Variants in RPS6KA6 observed in about 807,000 individuals in gnomAD.
RPS6KA6 encodes the protein ribosomal protein S6 kinase A6, also known as ribosomal protein S6 kinase alpha-6.
Under a neutral mutation model 65.4 loss-of-function variants are expected in RPS6KA6, and 27 were observed. The observed-to-expected ratio is 0.41, with a 90% confidence interval of 0.30 to 0.57. The LOEUF is 0.57. Among genes scored for constraint, RPS6KA6 ranks in the 20% least tolerant of loss-of-function variants. The probability of loss-of-function intolerance (pLI) is 0.24; values close to 1 mark genes in which losing one functional copy is unlikely to be tolerated. For missense variants in RPS6KA6, 486 were observed against 555.6 expected (o/e 0.87, Z 1.26); for synonymous variants, 190 against 184.2 (o/e 1.03, Z -0.26).
chrX:84,102,836 C>A (rs982667377), intron 17 of RPS6KA6, among the ~76,000 whole-genome samples: 6 of 110,584 alleles, frequency 5.4e-5, no homozygotes, highest in Admixed American at 1.9e-4. Flanking sequence ...AACCCTCAGA[C>A]CTTCTGGCTT....
At chrX:84,098,309 C>T (rs934092887) in intron 18 of RPS6KA6, among the ~76,000 whole-genome samples, 35 of 111,077 alleles carry the variant, frequency 3.2e-4, no homozygotes, top group Non-Finnish European at 1.5e-4. Context: ...AATATATAAT[C>T]TCACAAAAGC....
intron 12 of RPS6KA6, among the ~76,000 whole-genome samples, chrX:84,114,346 G>T (rs2034525260): frequency 9.1e-6 from 1 of 109,990 alleles, no homozygotes; most frequent in Admixed American, 9.7e-5. Flanking sequence ...AAATTAGCCA[G>T]ACACGGTGGC....
intron 18 of RPS6KA6, among the ~76,000 whole-genome samples, chrX:84,100,114 T>C (rs2034231755): frequency 9.0e-6 from 1 of 111,723 alleles, no homozygotes; most frequent in Admixed American, 9.5e-5. Flanking sequence ...TTTACAAATA[T>C]ATTATTGATT....
intron 8 of RPS6KA6, among the ~76,000 whole-genome samples, chrX:84,120,443 C>T (rs2034649522): frequency 9.0e-6 from 1 of 111,345 alleles, no homozygotes; most frequent in Non-Finnish European, 1.9e-5. Flanking sequence ...TGTTCAAAGC[C>T]TTCAAGGAGC....
At chrX:84,113,648 T>C (rs765178624) in intron 12 of RPS6KA6, among the ~76,000 whole-genome samples, 7 of 111,665 alleles carry the variant, frequency 6.3e-5, no homozygotes, top group Non-Finnish European at 1.3e-4. Flanking sequence ...ATAATAGGCA[T>C]AGAAGGAACA....
chrX:84,121,410 C>T (rs767572081), intron 8 of RPS6KA6, among the ~76,000 whole-genome samples: 1 of 112,213 alleles, frequency 8.9e-6, no homozygotes, highest in Non-Finnish European at 1.9e-5. Flanking sequence ...GTATTTATTG[C>T]AGTCTTTATG....
chrX:84,123,161 C>T (rs1176611664), intron 8 of RPS6KA6, among the ~76,000 whole-genome samples: 1 of 111,531 alleles, frequency 9.0e-6, no homozygotes, highest in Non-Finnish European at 1.9e-5. Flanking sequence ...TGCTGATTAA[C>T]GAGCTCTTGG....
intron 8 of RPS6KA6, among the ~76,000 whole-genome samples, chrX:84,122,630 G>A (rs6622921): frequency 0.05 from 5,510 of 110,300 alleles, 196 homozygotes; most frequent in East Asian, 0.21. Context: ...CACTGCACCC[G>A]GCCAGAGGAA....
At chrX:84,079,820 C>A (rs181521744) in intron 20 of RPS6KA6, among the ~76,000 whole-genome samples, 1 of 112,383 alleles carries the variant, frequency 8.9e-6, no homozygotes, top group Non-Finnish European at 1.9e-5. Flanking sequence ...AAGGCAGCAG[C>A]CACAGTCAGG....
In RPS6KA6 at chrX:84,145,484, G is replaced by T; in HGVS notation, c.495C>A (p.Ser165=). The change falls in exon 6 of 22, where the codon TCC becomes TCA. Residue 165 remains serine, a synonymous_variant. Transcript: ENST00000262752. ...LRGGDVFTRL[S]KEVLFTEEDV... ...AAAATGTACAGATACTTACCTCTTT[G>T]GATAATCTTGTGAAAACATCTCCTC... 1 of 1,121,444 alleles carries T rather than the reference G, an allele frequency of 8.9e-7. No individual in the cohort carries two copies. Among genetic ancestry groups the T allele is most frequent in the Non-Finnish European group, 1.2e-6 (1 of 833,094 alleles). 92.4% of individuals were successfully genotyped at this position (1,121,444 alleles called of 1,213,427 possible). A position where few individuals can be genotyped will look rare whatever the true frequency, so the allele number is the denominator to read the frequency against.
Position 84,187,833 on chromosome X carries a change from C to G in RPS6KA6, c.67G>C (p.Ala23Pro), listed in dbSNP as rs1204851154. The stretch of plus-strand genomic sequence containing the variant: ...ACCACACTAACCTCGCCGCTGCTCG[C>G]GCCGCCGCCGCTGAACACTTCCATT... ...REMEVFSGGGASSGEVNGLKM... is the reference protein window; with the variant it reads ...REMEVFSGGGPSSGEVNGLKM... The change falls in exon 1 of 22, where the codon GCG becomes CCG. Residue 23 changes from alanine (A) to proline (P), a missense_variant. Transcript: ENST00000262752. The G allele has an allele frequency of 1.6e-5, 19 of 1,202,297 alleles. No individual in the cohort carries two copies. Among genetic ancestry groups the G allele is most frequent in the Non-Finnish European group, 2.1e-5 (19 of 891,407 alleles).
intron 3 of RPS6KA6, among the ~76,000 whole-genome samples, chrX:84,151,237 GGATATATATA>G (rs1442090309): frequency 5.3e-5 from 5 of 94,868 alleles, no homozygotes; most frequent in African/African-American, 1.9e-4. Context: ...TAGATATATA[GGATATATATA>G]GATATATATA....
At chrX:84,130,973 CAA>C (rs1351821313) in intron 8 of RPS6KA6, among the ~76,000 whole-genome samples, 2 of 111,893 alleles carry the variant, frequency 1.8e-5, no homozygotes, top group African/African-American at 6.5e-5. Flanking sequence ...ATACATACAA[CAA>C]AAGTGATTTT....
intron 6 of RPS6KA6, 138 bp from the exon 7 acceptor site, chrX:84,135,348 G>GT: frequency 2.5e-6 from 1 of 404,406 alleles, no homozygotes; most frequent in Non-Finnish European, 4.3e-6. Context: ...TTATTTGACT[G>GT]GCATAATTAT....
chrX:84,148,460 G>T (rs1602460022), intron 3 of RPS6KA6, among the ~76,000 whole-genome samples: 1 of 110,419 alleles, frequency 9.1e-6, no homozygotes, highest in Admixed American at 9.7e-5. Flanking sequence ...ACTTTTCTTA[G>T]ATTTAATTTA....
intron 8 of RPS6KA6, among the ~76,000 whole-genome samples, chrX:84,131,932 T>C (rs2034905182): frequency 8.9e-6 from 1 of 111,976 alleles, no homozygotes; most frequent in African/African-American, 3.3e-5. Flanking sequence ...AATAATTTGA[T>C]GAATAGTTAC....
At chrX:84,159,062 A>G (rs1011702326) in intron 2 of RPS6KA6, among the ~76,000 whole-genome samples, 1 of 110,983 alleles carries the variant, frequency 9.0e-6, no homozygotes, top group Non-Finnish European at 1.9e-5. Context: ...ATGCGTGCAC[A>G]CACATATACA....
intron 17 of RPS6KA6, among the ~76,000 whole-genome samples, chrX:84,103,663 C>A (rs1283995446): frequency 2.7e-5 from 3 of 110,821 alleles, no homozygotes; most frequent in Non-Finnish European, 5.7e-5. Flanking sequence ...CTCAAAAATT[C>A]TCTTCATGCT....
chrX:84,092,697 TTG>T, intron 20 of RPS6KA6, among the ~76,000 whole-genome samples: 1 of 110,863 alleles, frequency 9.0e-6, no homozygotes, highest in South Asian at 3.9e-4. Context: ...AAAATAAGTG[TTG>T]ACAAAGATGT....
Sources: allele counts gnomAD v4.1 joint callset (sites outside exome capture counted in the v4.1 genomes callset), GRCh38; gene constraint gnomAD v4.1.1; transcripts MANE v1.5; gene names NCBI Gene and HGNC (gene_info 2026-07-23, HGNC 2026-07-21).